Variants in VAV3 observed in about 807,000 individuals in gnomAD.
The protein encoded by VAV3 is guanine nucleotide exchange factor VAV3.
A neutral mutation model predicts 131.2 loss-of-function variants in VAV3; 94 were observed. That is an observed-to-expected ratio of 0.72 (90% CI 0.61 to 0.85). The LOEUF (loss-of-function observed/expected upper bound fraction) is 0.85. Ranked by LOEUF, VAV3 falls within the 40% of genes least tolerant of loss-of-function variation. The probability of loss-of-function intolerance (pLI) is 0.00; values close to 1 mark genes in which losing one functional copy is unlikely to be tolerated. For synonymous variants in VAV3, 349 were observed against 342.0 expected, an observed-to-expected ratio of 1.02 and a Z score of -0.22; for missense variants, 939 against 1,002.7, an observed-to-expected ratio of 0.94 and a Z score of 0.86.
At chr1:107,900,441 A>G (rs1168285819) in intron 1 of VAV3, among the ~76,000 whole-genome samples, 1 of 152,232 alleles carries the variant, frequency 6.6e-6, no homozygotes, top group African/African-American at 2.4e-5. Context: ...AACTCTTAAC[A>G]GGGAGAACAT....
chr1:107,693,072 C>T lies in VAV3; in HGVS notation c.1706-4666G>A, dbSNP rs575741015. ...GTGTACTGTGAGAAGGAAACGACAC[C>T]CTAAAATTACATTAGCTTTGCAGTG... On this transcript the variant is annotated intron_variant, in intron 17 of 26. Transcript: ENST00000370056. Among the ~76,000 whole-genome samples the T allele has an allele frequency of 1.2e-3, 177 of 152,078 alleles. 2 individuals are homozygous for T. Among genetic ancestry groups the T allele is most frequent in the Middle Eastern group, 6.8e-3 (2 of 294 alleles).
chr1:107,596,290 A>C lies in VAV3; in HGVS notation c.2272T>G (p.Leu758Val). 1.2e-6 allele frequency: 2 copies of C among 1,613,654 alleles called. No homozygotes were observed. Among genetic ancestry groups the C allele is most frequent in the Non-Finnish European group, 1.7e-6 (2 of 1,179,622 alleles). Residue 758 changes from leucine to valine, a missense_variant, in exon 25 of 27, where the codon TTA becomes GTA. Physicochemically the swap from Leu to Val is conservative, Grantham distance 32. Coordinates refer to ENST00000370056, the MANE Select transcript of VAV3 (RefSeq NM_006113.5). ...HHSLKEGFRTLDTTLQFPYKE... is the reference protein window; with the variant it reads ...HHSLKEGFRTVDTTLQFPYKE... ...TATGGAAACTGCAGAGTTGTATCTA[A>C]GGTTCTGAACCCTTCCTTGAGAGAA...
At chr1:107,701,307 A>T (rs1316932393) in intron 17 of VAV3, among the ~76,000 whole-genome samples, 1 of 75,092 alleles carries the variant, frequency 1.3e-5, no homozygotes, top group African/African-American at 3.8e-5. Context: ...CACCCTCTGA[A>T]GCAAAGGCCT....
At chr1:107,739,616 A>T (rs1211660525) in intron 15 of VAV3, among the ~76,000 whole-genome samples, 1 of 152,232 alleles carries the variant, frequency 6.6e-6, no homozygotes, top group East Asian at 1.9e-4. Flanking sequence ...CATTTTAAGG[A>T]GGAAGAATGT....
At chr1:107,586,825 TGGTA>T (rs1168035286) in intron 25 of VAV3, among the ~76,000 whole-genome samples, 1 of 152,154 alleles carries the variant, frequency 6.6e-6, no homozygotes, top group Admixed American at 6.6e-5. Flanking sequence ...GGGGTTATCT[TGGTA>T]GGAAGAATAT....
chr1:107,812,128 A>G (rs1667342580), intron 2 of VAV3, among the ~76,000 whole-genome samples: 1 of 152,192 alleles, frequency 6.6e-6, no homozygotes, highest in Non-Finnish European at 1.5e-5. Flanking sequence ...ACAAAAGTTT[A>G]AAGGGAGACA....
intron 15 of VAV3, among the ~76,000 whole-genome samples, chr1:107,710,876 T>C (rs1182266507): frequency 6.6e-6 from 1 of 152,168 alleles, no homozygotes; most frequent in African/African-American, 2.4e-5. Flanking sequence ...TAAAATGCAT[T>C]GTGTGCTTCT....
At chr1:107,834,549 T>C (rs1305190247) in intron 2 of VAV3, among the ~76,000 whole-genome samples, 2 of 151,576 alleles carry the variant, frequency 1.3e-5, no homozygotes, top group Non-Finnish European at 2.9e-5. Flanking sequence ...CAAGCTCACA[T>C]GGAATAGTCA....
At chr1:107,745,551 C>T (rs895999495) in intron 15 of VAV3, among the ~76,000 whole-genome samples, 1 of 152,072 alleles carries the variant, frequency 6.6e-6, no homozygotes, top group Non-Finnish European at 1.5e-5. Flanking sequence ...AACATGACTG[C>T]GAGAGACAGA....
intron 6 of VAV3, among the ~76,000 whole-genome samples, chr1:107,770,408 A>G (rs1664974113): frequency 6.6e-6 from 1 of 152,186 alleles, no homozygotes; most frequent in Non-Finnish European, 1.5e-5. Context: ...GAGAATCAGA[A>G]TACTGTTGTA....
At chr1:107,807,535 T>C (rs1667115659) in intron 2 of VAV3, among the ~76,000 whole-genome samples, 1 of 152,214 alleles carries the variant, frequency 6.6e-6, no homozygotes, top group Non-Finnish European at 1.5e-5. Context: ...AGGGTCGTAG[T>C]GCTCCAGGGC....
At chr1:107,834,824 C>G (rs1668400543) in intron 2 of VAV3, among the ~76,000 whole-genome samples, 1 of 152,080 alleles carries the variant, frequency 6.6e-6, no homozygotes, top group African/African-American at 2.4e-5. Flanking sequence ...TGGCCTTGAA[C>G]AGCTCCTAAG....
chr1:107,834,950 C>G (rs1668405676), intron 2 of VAV3, among the ~76,000 whole-genome samples: 1 of 152,074 alleles, frequency 6.6e-6, no homozygotes, highest in South Asian at 2.1e-4. Flanking sequence ...GGGCATCTGT[C>G]CAGAGAGTAG....
intron 19 of VAV3, among the ~76,000 whole-genome samples, chr1:107,666,295 TTCTTAC>T (rs1657400242): frequency 6.6e-6 from 1 of 152,172 alleles, no homozygotes; most frequent in Non-Finnish European, 1.5e-5. Flanking sequence ...ACGAACAATG[TTCTTAC>T]TCTTAAGGGA....
intron 15 of VAV3, among the ~76,000 whole-genome samples, chr1:107,716,741 T>G (rs1213529327): frequency 1.3e-5 from 2 of 152,188 alleles, no homozygotes; most frequent in African/African-American, 2.4e-5. Flanking sequence ...ATCAGGATGA[T>G]GCTGGCCTCA....
intron 1 of VAV3, among the ~76,000 whole-genome samples, chr1:107,932,480 C>T (rs931756512): frequency 3.9e-5 from 6 of 152,218 alleles, no homozygotes; most frequent in African/African-American, 7.2e-5. Context: ...GTATGATTTA[C>T]AGAACACAGC....
intron 15 of VAV3, among the ~76,000 whole-genome samples, chr1:107,706,777 A>G (rs1041020107): frequency 1.3e-5 from 2 of 152,148 alleles, no homozygotes; most frequent in African/African-American, 4.8e-5. Flanking sequence ...GATTTGTCAA[A>G]TAAGTTTGAG....
At chr1:107,721,991 A>C (rs1315679973) in intron 15 of VAV3, among the ~76,000 whole-genome samples, 1 of 152,236 alleles carries the variant, frequency 6.6e-6, no homozygotes, top group Non-Finnish European at 1.5e-5. Flanking sequence ...GGCAAGTATT[A>C]ATGGAGCTAA....
At chr1:107,850,163 C>A (rs1669153806) in intron 2 of VAV3, among the ~76,000 whole-genome samples, 1 of 152,154 alleles carries the variant, frequency 6.6e-6, no homozygotes, top group South Asian at 2.1e-4. Flanking sequence ...GACAGTGTGG[C>A]AATTCCTCAA....
Sources: allele counts gnomAD v4.1 joint callset (sites outside exome capture counted in the v4.1 genomes callset), GRCh38; gene constraint gnomAD v4.1.1; transcripts MANE v1.5; gene names NCBI Gene and HGNC (gene_info 2026-07-23, HGNC 2026-07-21).